The following GTF2IRD1 variants were observed in gnomAD, a reference collection of about 807,000 sequenced individuals.
The protein encoded by GTF2IRD1 is GTF2I repeat domain containing 1.
In GTF2IRD1, 26 loss-of-function variants were observed where a neutral mutation model predicts 113.2. The observed-to-expected ratio is 0.23, with a 90% CI of 0.17 to 0.32. The LOEUF (loss-of-function observed/expected upper bound fraction) is 0.32, where lower values mean the gene tolerates loss of function less well. GTF2IRD1 is among the 10% of genes least tolerant of loss of function. The pLI, the probability that GTF2IRD1 is intolerant of heterozygous loss-of-function variation, is 1.00. For missense variants in GTF2IRD1, 864 were observed against 1,280.8 expected (o/e 0.67, Z 4.97); for synonymous variants, 484 against 529.1 (o/e 0.91, Z 1.17).
At position 74,536,213 on chromosome 7, in the gene GTF2IRD1, G is replaced by A. The variant is rs782227868; in HGVS notation, c.1347G>A (p.Pro449=). 1.3e-5 allele frequency: 21 copies of A among 1,613,558 alleles called. No homozygotes were observed. The highest frequency in any genetic ancestry group is 5.3e-5 in the African/African-American group (4 of 74,884). ...CCACGAAGCTGGAGCCAGCCAGCCC[G>A]CCAGAGGACACCTCTGCAGAGGTCT... The part of the protein sequence containing the change: ...KDTTKLEPAS[P]PEDTSAEVSR... The change falls in exon 11 of 27, where the codon CCG becomes CCA. Residue 449 remains proline, a synonymous_variant. Transcript: ENST00000424337.
chr7:74,469,300 T>C (rs183237590), intron 1 of GTF2IRD1, among the ~76,000 whole-genome samples: 6 of 152,272 alleles, frequency 3.9e-5, no homozygotes, highest in Admixed American at 2.0e-4. Context: ...ATTTTAAAAC[T>C]ATTCCTTTAA....
At chr7:74,487,012 T>G (rs1410300916) in intron 1 of GTF2IRD1, among the ~76,000 whole-genome samples, 1 of 152,098 alleles carries the variant, frequency 6.6e-6, no homozygotes, top group African/African-American at 2.4e-5. Flanking sequence ...GACTCAGTGA[T>G]GTAGATGAGA....
intron 22 of GTF2IRD1, among the ~76,000 whole-genome samples, chr7:74,574,209 C>T (rs1335722671): frequency 2.2e-5 from 3 of 138,828 alleles, no homozygotes; most frequent in African/African-American, 8.1e-5. Flanking sequence ...ACCATGTTGG[C>T]CAGGCTGGTC....
intron 6 of GTF2IRD1, among the ~76,000 whole-genome samples, chr7:74,520,839 A>G (rs1797243278): frequency 1.0e-5 from 1 of 95,880 alleles, no homozygotes; most frequent in Admixed American, 1.2e-4. Flanking sequence ...TAAGTTATAT[A>G]TACTATTATT....
At chr7:74,513,556 C>T (rs1796758113) in intron 3 of GTF2IRD1, among the ~76,000 whole-genome samples, 1 of 152,178 alleles carries the variant, frequency 6.6e-6, no homozygotes, top group African/African-American at 2.4e-5. Flanking sequence ...CCGCCCACCT[C>T]AGCCTCCCAA....
chr7:74,457,827 A>G lies in GTF2IRD1; in HGVS notation c.-7+3651A>G, dbSNP rs995515110. ...ACCTGCAGGGCCAATTTATAAACAG[A>G]GGAGCAGAGCAGGACCCAGGGCTTG... On this transcript the variant is annotated intron_variant, in intron 1 of 26. Transcript: ENST00000424337. Among the ~76,000 whole-genome samples the G allele has an allele frequency of 1.9e-4, 29 of 150,114 alleles. 1 individual carries two copies. Among genetic ancestry groups the G allele is most frequent in the Non-Finnish European group, 1.0e-4 (7 of 67,752 alleles).
At chr7:74,529,386 T>G (rs1446699120) in intron 8 of GTF2IRD1, among the ~76,000 whole-genome samples, 1 of 152,138 alleles carries the variant, frequency 6.6e-6, no homozygotes, top group Non-Finnish European at 1.5e-5. Context: ...CCCGAGTAGC[T>G]GGGACCACAG....
chr7:74,523,834 C>G (rs1554346545), intron 7 of GTF2IRD1, among the ~76,000 whole-genome samples: 4 of 152,196 alleles, frequency 2.6e-5, no homozygotes, highest in Admixed American at 2.0e-4. Flanking sequence ...TGAGCCTGTT[C>G]TGACACCACA....
chr7:74,496,290 G>A (rs1795671078), intron 1 of GTF2IRD1, among the ~76,000 whole-genome samples: 1 of 150,402 alleles, frequency 6.6e-6, no homozygotes, highest in Admixed American at 6.6e-5. Context: ...GCGTGTGTAT[G>A]TGGGTGTGCA....
At chr7:74,456,951 C>A (rs1793022780) in intron 1 of GTF2IRD1, among the ~76,000 whole-genome samples, 1 of 152,030 alleles carries the variant, frequency 6.6e-6, no homozygotes, top group Non-Finnish European at 1.5e-5. Context: ...TCAGGGCTGG[C>A]CATGGTTCCA....
At chr7:74,505,001 C>T (rs1554340639) in intron 1 of GTF2IRD1, among the ~76,000 whole-genome samples, 1 of 152,014 alleles carries the variant, frequency 6.6e-6, no homozygotes, top group African/African-American at 2.4e-5. Context: ...AGCCACTGCG[C>T]CTGGCCCTGC....
At chr7:74,468,810 C>T (rs1349078548) in intron 1 of GTF2IRD1, among the ~76,000 whole-genome samples, 3 of 151,694 alleles carry the variant, frequency 2.0e-5, no homozygotes, top group South Asian at 4.2e-4. Context: ...AAGGGCCGGG[C>T]GCGGTGGCTC....
At chr7:74,488,474 C>T (rs1554335993) in intron 1 of GTF2IRD1, among the ~76,000 whole-genome samples, 2 of 152,212 alleles carry the variant, frequency 1.3e-5, no homozygotes, top group African/African-American at 4.8e-5. Flanking sequence ...AAAGAAACCT[C>T]TGGCTGGGCA....
intron 25 of GTF2IRD1, among the ~76,000 whole-genome samples, chr7:74,597,278 A>AAG (rs1554372593): frequency 6.7e-6 from 1 of 150,252 alleles, no homozygotes; most frequent in African/African-American, 2.5e-5. Context: ...TCCTGACCTC[A>AAG]TGATCTACCT....
chr7:74,575,170 G>GCGTAAAC (rs1800964612), intron 22 of GTF2IRD1, among the ~76,000 whole-genome samples: 1 of 152,150 alleles, frequency 6.6e-6, no homozygotes, highest in Non-Finnish European at 1.5e-5. Context: ...AATCTGCAAA[G>GCGTAAAC]CGTAAACCAT....
rs1800146905 is a variant in GTF2IRD1 at position 74,564,114 on chromosome 7, C to T, written c.2320+4459C>T. On this transcript the variant is annotated intron_variant, in intron 22 of 26. Transcript: ENST00000424337. ...CAATCTTGGCTCACTGCAACCTCCA[C>T]CTCCCGAGTTCAAGCGATTCGCCTG... Among the ~76,000 whole-genome samples the T allele has an allele frequency of 4.6e-5, 7 of 152,068 alleles. No homozygotes were observed. In the South Asian group the frequency reaches 1.5e-3, roughly 32 times the overall value.
chr7:74,528,943 GTGGATGGATGGATGGATGGATGGATGGA>G (rs782015964), intron 8 of GTF2IRD1, among the ~76,000 whole-genome samples: 1 of 133,848 alleles, frequency 7.5e-6, no homozygotes, highest in Non-Finnish European at 1.6e-5. Flanking sequence ...GGGTGGATGG[GTGGATGGATGGATGGATGGATGGATGGA>G]TGGATGGATG....
At position 74,559,194 on chromosome 7, in the gene GTF2IRD1, A is replaced by G. The variant is rs1799798502; in HGVS notation, c.2291+150A>G. On this transcript the variant is annotated intron_variant, in intron 21 of 26. Coordinates refer to ENST00000424337, the MANE Select transcript of GTF2IRD1 (RefSeq NM_005685.4). ...CATCCTGGGTCCTGGGGGTGGTTGG[A>G]GAGGGACTGCAGGCCAGCCCAAGTG... is the stretch of plus-strand genomic sequence containing the variant. The G allele has an allele frequency of 1.2e-5, 9 of 726,554 alleles. 1 individual carries two copies. The South Asian group carries it at 1.5e-4, about 12-fold the overall frequency. The allele number at this position is 726,554 out of a possible 1,614,324, so 45.0% of individuals were successfully genotyped here.
chr7:74,525,748 C>A (rs1485594990), intron 8 of GTF2IRD1, among the ~76,000 whole-genome samples: 1 of 151,134 alleles, frequency 6.6e-6, no homozygotes, highest in Non-Finnish European at 1.5e-5. Flanking sequence ...CAGAGTGAGA[C>A]TTTCTCTCAA....
Sources: allele counts gnomAD v4.1 joint callset (sites outside exome capture counted in the v4.1 genomes callset), GRCh38; gene constraint gnomAD v4.1.1; transcripts MANE v1.5; gene names NCBI Gene and HGNC (gene_info 2026-07-23, HGNC 2026-07-21).